ZCWPW2: variants seen among roughly 807,000 people sequenced by gnomAD.
The protein encoded by ZCWPW2 is zinc finger CW-type and PWWP domain containing 2.
Under a neutral mutation model 46.6 loss-of-function variants are expected in ZCWPW2, and 45 were observed. The observed-to-expected ratio is 0.96, with a 90% confidence interval of 0.76 to 1.24. The LOEUF (loss-of-function observed/expected upper bound fraction) is 1.24, where lower values mean the gene tolerates loss of function less well. Among genes scored for constraint, ZCWPW2 ranks in the 50% most tolerant of loss-of-function variants. ZCWPW2 has a pLI of 0.00. For missense variants in ZCWPW2, 429 were observed against 403.9 expected (o/e 1.06, Z -0.53); for synonymous variants, 152 against 137.1 (o/e 1.11, Z -0.76).
intron 3 of ZCWPW2, among the ~76,000 whole-genome samples, chr3:28,417,092 T>C (rs532870013): frequency 4.0e-5 from 6 of 150,416 alleles, no homozygotes; most frequent in Admixed American, 1.3e-4. Flanking sequence ...TCAACAAAAT[T>C]GATAGACCGC....
intron 6 of ZCWPW2, among the ~76,000 whole-genome samples, chr3:28,496,656 A>C (rs1294239961): frequency 6.6e-6 from 1 of 152,026 alleles, no homozygotes; most frequent in East Asian, 1.9e-4. Flanking sequence ...TAATATTTTT[A>C]AAGACAGCCT....
In ZCWPW2 at chr3:28,348,831, G is replaced by A; in HGVS notation, c.-506G>A. Reference sequence around the variant, plus strand: ...CGGGACGTTCTGGAAGGAGGGACGAGCCGAGGCAGGAGGGGCCGGGCCGAC... The same window carrying A: ...CGGGACGTTCTGGAAGGAGGGACGAACCGAGGCAGGAGGGGCCGGGCCGAC... On this transcript the variant is annotated 5_prime_UTR_variant, in exon 1 of 10. Coordinates refer to ENST00000383768, the MANE Select transcript of ZCWPW2 (RefSeq NM_001040432.4). 2.1e-6 allele frequency: 1 copy of A among 478,048 alleles called. No individual in the cohort carries two copies. Among genetic ancestry groups the A allele is most frequent in the Non-Finnish European group, 2.7e-6 (1 of 365,894 alleles). 29.6% of individuals were successfully genotyped at this position (478,048 alleles called of 1,614,324 possible). A position where few individuals can be genotyped will look rare whatever the true frequency, so the allele number is the denominator to read the frequency against.
At chr3:28,456,789 G>A (rs1329257510) in intron 4 of ZCWPW2, among the ~76,000 whole-genome samples, 2 of 152,138 alleles carry the variant, frequency 1.3e-5, no homozygotes, top group African/African-American at 4.8e-5. Context: ...ATTTGCATAT[G>A]TTGAACCAAC....
At position 28,360,202 on chromosome 3, in the gene ZCWPW2, C is replaced by T. The variant is rs1704885976; in HGVS notation, c.-134+10999C>T. ...CTTTCAGGAAGAAAAGTATTACTTCCTCCAGAAGACAAAACAATTCTGGCC... is the reference window on the plus strand; with the variant it reads ...CTTTCAGGAAGAAAAGTATTACTTCTTCCAGAAGACAAAACAATTCTGGCC... On this transcript the variant is annotated intron_variant, in intron 1 of 9. Coordinates refer to ENST00000383768, the MANE Select transcript of ZCWPW2 (RefSeq NM_001040432.4). 1.3e-5 allele frequency among the ~76,000 whole-genome samples: 2 copies of T among 151,746 alleles called. 1 individual carries two copies. The highest frequency in any genetic ancestry group is 4.1e-4 in the South Asian group (2 of 4,822).
At chr3:28,435,068 T>G (rs778079896) in intron 3 of ZCWPW2, 42 bp from the exon 4 acceptor site, 2 of 1,597,868 alleles carry the variant, frequency 1.3e-6, no homozygotes, top group Non-Finnish European at 1.7e-6. Flanking sequence ...TGTCTACCTT[T>G]TTAAAAGCAT....
At chr3:28,428,286 G>A (rs1477030490) in intron 3 of ZCWPW2, 1 of 152,122 alleles carries the variant, frequency 6.6e-6, no homozygotes, top group African/African-American at 2.4e-5. Context: ...GCTTCTTTGG[G>A]TTCCAGATAG....
intron 1 of ZCWPW2, among the ~76,000 whole-genome samples, chr3:28,384,063 C>G (rs1237109489): frequency 6.6e-6 from 1 of 152,128 alleles, no homozygotes; most frequent in Admixed American, 6.5e-5. Context: ...TACTAGAGCC[C>G]TAGCCATTAT....
intron 8 of ZCWPW2, among the ~76,000 whole-genome samples, chr3:28,517,369 G>T (rs1700603278): frequency 6.6e-6 from 1 of 152,174 alleles, no homozygotes; most frequent in African/African-American, 2.4e-5. Flanking sequence ...ATGGTGCTTG[G>T]CTCCTGGGAG....
intron 2 of ZCWPW2, among the ~76,000 whole-genome samples, chr3:28,398,805 A>G (rs941056434): frequency 8.5e-5 from 13 of 152,184 alleles, no homozygotes; most frequent in Admixed American, 5.2e-4. Flanking sequence ...TGGGTCCCCT[A>G]GAAAGCCATA....
intron 3 of ZCWPW2, among the ~76,000 whole-genome samples, chr3:28,425,762 AC>A (rs1370381583): frequency 2.0e-5 from 3 of 152,234 alleles, no homozygotes; most frequent in Admixed American, 6.5e-5. Context: ...TCAAATTATA[AC>A]AGTTATATCT....
At chr3:28,489,358 T>G (rs1413246167) in intron 5 of ZCWPW2, among the ~76,000 whole-genome samples, 4 of 152,100 alleles carry the variant, frequency 2.6e-5, no homozygotes, top group African/African-American at 9.7e-5. Flanking sequence ...ACAACAAAAC[T>G]TATTCCATCT....
intron 4 of ZCWPW2, among the ~76,000 whole-genome samples, chr3:28,464,906 G>A (rs1698764762): frequency 6.6e-6 from 1 of 152,100 alleles, no homozygotes; most frequent in African/African-American, 2.4e-5. Flanking sequence ...AGAAACATCT[G>A]GATTACAGTT....
At chr3:28,514,204 C>T in intron 7 of ZCWPW2, 82 bp downstream of exon 7, 1 of 918,152 alleles carries the variant, frequency 1.1e-6, no homozygotes, top group Non-Finnish European at 1.5e-6. Context: ...CGGCTAATAA[C>T]CCTAAACAAC....
At chr3:28,480,308 T>C (rs1352523752) in intron 5 of ZCWPW2, among the ~76,000 whole-genome samples, 2 of 152,244 alleles carry the variant, frequency 1.3e-5, no homozygotes, top group East Asian at 3.8e-4. Flanking sequence ...TGCAGTTCTC[T>C]AATGATCAGT....
intron 1 of ZCWPW2, among the ~76,000 whole-genome samples, chr3:28,368,978 C>T (rs1444506778): frequency 2.0e-5 from 3 of 152,144 alleles, no homozygotes; most frequent in Admixed American, 6.5e-5. Context: ...GCATTCATCA[C>T]GTAGTTCTCG....
At chr3:28,407,515 G>A (rs1019067245) in intron 2 of ZCWPW2, among the ~76,000 whole-genome samples, 1 of 152,116 alleles carries the variant, frequency 6.6e-6, no homozygotes, top group African/African-American at 2.4e-5. Flanking sequence ...TCAATATAGG[G>A]TAATAAGTAG....
chr3:28,361,928 T>C (rs2125694049), intron 1 of ZCWPW2, among the ~76,000 whole-genome samples: 1 of 152,254 alleles, frequency 6.6e-6, no homozygotes, highest in East Asian at 1.9e-4. Context: ...TTGGTGGGAA[T>C]GTAAAGTGGT....
intron 6 of ZCWPW2, among the ~76,000 whole-genome samples, chr3:28,504,648 G>A (rs1044238731): frequency 1.3e-5 from 2 of 152,180 alleles, no homozygotes; most frequent in Non-Finnish European, 2.9e-5. Flanking sequence ...CCTAAAAACA[G>A]TATGTTCTCC....
chr3:28,384,597 T>C (rs1051317567), intron 1 of ZCWPW2, among the ~76,000 whole-genome samples: 1 of 151,796 alleles, frequency 6.6e-6, no homozygotes, highest in Non-Finnish European at 1.5e-5. Flanking sequence ...CACATTCAAG[T>C]TGACCAATCT....
Sources: allele counts gnomAD v4.1 joint callset (sites outside exome capture counted in the v4.1 genomes callset), GRCh38; gene constraint gnomAD v4.1.1; transcripts MANE v1.5; gene names NCBI Gene and HGNC (gene_info 2026-07-23, HGNC 2026-07-21).